The following PCDHGA5 variants were observed in gnomAD, a reference collection of about 807,000 sequenced individuals.
The protein encoded by PCDHGA5 is protocadherin gamma-A5.
In PCDHGA5, 36 loss-of-function variants were observed where a neutral mutation model predicts 56.7. The observed-to-expected ratio is 0.64, with a 90% CI of 0.49 to 0.84. The LOEUF (loss-of-function observed/expected upper bound fraction) is 0.84. Among genes scored for constraint, PCDHGA5 ranks in the 40% least tolerant of loss-of-function variants. The pLI, the probability that PCDHGA5 is intolerant of heterozygous loss-of-function variation, is 0.00. For synonymous variants in PCDHGA5, 563 were observed against 520.2 expected (o/e 1.08, Z -1.12); for missense variants, 1,305 against 1,201.5 (o/e 1.09, Z -1.27).
At chr5:141,426,678 T>C (rs2096951425) in intron 1 of PCDHGA5, 2 of 431,490 alleles carry the variant, frequency 4.6e-6, no homozygotes, top group Admixed American at 5.1e-5. Flanking sequence ...CCCACCTCAT[T>C]TTCCCCAAAA....
chr5:141,387,813 A>T, intron 1 of PCDHGA5: 6 of 1,531,348 alleles, frequency 3.9e-6, no homozygotes, highest in Non-Finnish European at 5.3e-6. Flanking sequence ...GAGATCCAAA[A>T]ATCTGCAATA....
Position 141,365,563 on chromosome 5 carries a change from C to A in PCDHGA5, c.1233C>A (p.Asp411Glu), listed in dbSNP as rs754759386. 51 of 1,613,580 alleles carry A rather than the reference C, an allele frequency of 3.2e-5. No individual in the cohort carries two copies. The highest frequency in any genetic ancestry group is 3.8e-5 in the Non-Finnish European group (45 of 1,179,890). ...ACCTATTAACAACTAGGGACCTGGACAGAGAAGAGACTTCAGATTATAATA... is the reference window on the plus strand; with the variant it reads ...ACCTATTAACAACTAGGGACCTGGAAAGAGAAGAGACTTCAGATTATAATA... ...YYHLLTTRDL[D>E]REETSDYNIT... The change falls in exon 1 of 4, where the codon GAC becomes GAA. Residue 411 changes from aspartate (D) to glutamate (E), a missense_variant. Coordinates refer to ENST00000518069, the MANE Select transcript of PCDHGA5 (RefSeq NM_018918.3).
chr5:141,467,769 G>A (rs573567102), intron 1 of PCDHGA5, among the ~76,000 whole-genome samples: 9 of 151,590 alleles, frequency 5.9e-5, no homozygotes, highest in East Asian at 3.9e-4. Flanking sequence ...TCAAGTGCCC[G>A]CACCTCAGCC....
At position 141,393,679 on chromosome 5, in the gene PCDHGA5, C is replaced by T. The variant is rs1188443485; in HGVS notation, c.2421+26928C>T. 4.3e-6 allele frequency: 7 copies of T among 1,613,894 alleles called. No individual in the cohort carries two copies. Among genetic ancestry groups the T allele is most frequent in the Non-Finnish European group, 5.9e-6 (7 of 1,179,900 alleles). ...TTCCGGAAAATTAATGAAAAACAAA[C>T]TCCGTTATTCCAGCTTAATGAAAAT... On this transcript the variant is annotated intron_variant, in intron 1 of 3. Transcript: ENST00000518069.
intron 1 of PCDHGA5, chr5:141,408,397 G>T: frequency 6.2e-7 from 1 of 1,614,068 alleles, no homozygotes; most frequent in Non-Finnish European, 8.5e-7. Context: ...CGGCTCGCAA[G>T]CTGCGAGTGA....
intron 2 of PCDHGA5, among the ~76,000 whole-genome samples, chr5:141,504,143 C>A (rs2099835975): frequency 6.6e-6 from 1 of 152,136 alleles, no homozygotes; most frequent in Non-Finnish European, 1.5e-5. Flanking sequence ...CACTCCCCTG[C>A]AAATTGAAAT....
rs1391017504 is a variant in PCDHGA5 at position 141,490,732 on chromosome 5, G to GTTCAGGGAGCCCCAGCCTCCTCCT, written c.2422-4072_2422-4049dup. 6.2e-7 allele frequency: 1 copy of GTTCAGGGAGCCCCAGCCTCCTCCT among 1,614,070 alleles called. No individual in the cohort carries two copies. Among genetic ancestry groups the GTTCAGGGAGCCCCAGCCTCCTCCT allele is most frequent in the Non-Finnish European group, 8.5e-7 (1 of 1,180,050 alleles). On this transcript the variant is annotated intron_variant, in intron 1 of 3. Coordinates refer to ENST00000518069, the MANE Select transcript of PCDHGA5 (RefSeq NM_018918.3). This position sits in a 1 kb window ranked among gnomAD's most constrained non-coding sequence, Gnocchi z 5.4. ...CACCTACTCCATTGTAGGAAATCAG[G>GTTCAGGGAGCCCCAGCCTCCTCCT]TTCAGGGAGCCCCAGCCTCCTCCTT...
intron 1 of PCDHGA5, chr5:141,421,725 C>T: frequency 6.2e-7 from 1 of 1,613,960 alleles, no homozygotes; most frequent in Non-Finnish European, 8.5e-7. Context: ...TGGGCGTGAA[C>T]TCCCTCCAGA....
intron 1 of PCDHGA5, chr5:141,374,073 A>G (rs1201568464): frequency 2.6e-6 from 4 of 1,510,034 alleles, no homozygotes; most frequent in Non-Finnish European, 2.7e-6. Context: ...GAAGTTCCTA[A>G]TAAGCCAGTA....
chr5:141,461,058 T>C (rs1450016344), intron 1 of PCDHGA5, among the ~76,000 whole-genome samples: 2 of 152,010 alleles, frequency 1.3e-5, no homozygotes, highest in Admixed American at 1.3e-4. Context: ...CTTAGGTTGG[T>C]TTCACATTTT....
chr5:141,430,015 T>G (rs2097256653), intron 1 of PCDHGA5, among the ~76,000 whole-genome samples: 1 of 152,236 alleles, frequency 6.6e-6, no homozygotes, highest in South Asian at 2.1e-4. Context: ...TTCACTTGGG[T>G]TCTTGTTAAG....
chr5:141,372,278 G>C (rs756938433), intron 1 of PCDHGA5: 2 of 1,613,032 alleles, frequency 1.2e-6, no homozygotes, highest in Admixed American at 1.7e-5. Flanking sequence ...AGGTGCGCAC[G>C]GCGCGTACCT....
At chr5:141,381,561 A>G (rs1251342749) in intron 1 of PCDHGA5, among the ~76,000 whole-genome samples, 3 of 152,196 alleles carry the variant, frequency 2.0e-5, no homozygotes, top group Non-Finnish European at 4.4e-5. Flanking sequence ...TGAATTGCAT[A>G]ATGAAAAGAA....
chr5:141,414,078 T>C lies in PCDHGA5; in HGVS notation c.2421+47327T>C, dbSNP rs777190406. 3.1e-6 allele frequency: 5 copies of C among 1,603,326 alleles called. No individual in the cohort carries two copies. In the South Asian group the frequency reaches 4.5e-5, roughly 14 times the overall value. ...TGTTGAAGTTCCAACTAAACAAATA[T>C]ACTGGAGAAATAAAAATATCAGAAA... On this transcript the variant is annotated intron_variant, in intron 1 of 3. Transcript: ENST00000518069.
chr5:141,366,136 C>T lies in PCDHGA5; in HGVS notation c.1806C>T (p.Ala602=). Residue 602 remains alanine (A), a synonymous_variant, in exon 1 of 4, where the codon GCC becomes GCT. Transcript: ENST00000518069. ...TGGACAAAGATTCAGGCCAGAACGCCTGGCTGTCCTACCGCCTGCTTAAGG... is the reference window on the plus strand; with the variant it reads ...TGGACAAAGATTCAGGCCAGAACGCTTGGCTGTCCTACCGCCTGCTTAAGG... ...VAVDKDSGQN[A]WLSYRLLKAS... is the part of the protein sequence containing the mutation. 1 of 1,614,204 alleles carries T rather than the reference C, an allele frequency of 6.2e-7. No homozygotes were observed. The highest frequency in any genetic ancestry group is 1.1e-5 in the South Asian group (1 of 91,092).
In PCDHGA5 at chr5:141,390,133, A is replaced by G. The variant is rs1394678030; in HGVS notation, c.2421+23382A>G. ...AGCGAGGGGACTTTGCCTTATTCCT[A>G]CAATCTATGTGTTGCACATACAGGA... On this transcript the variant is annotated intron_variant, in intron 1 of 3. Coordinates refer to ENST00000518069, the MANE Select transcript of PCDHGA5 (RefSeq NM_018918.3). The G allele has an allele frequency of 3.1e-6, 5 of 1,614,040 alleles. No individual in the cohort carries two copies. The South Asian group carries it at 5.5e-5, about 18-fold the overall frequency.
intron 1 of PCDHGA5, among the ~76,000 whole-genome samples, chr5:141,436,478 A>G (rs1360229764): frequency 2.0e-5 from 3 of 152,220 alleles, no homozygotes; most frequent in Non-Finnish European, 4.4e-5. Context: ...TGTATCATAG[A>G]AGGATAGCAG....
chr5:141,438,591 C>CATATATATATAT (rs946798767), intron 1 of PCDHGA5, among the ~76,000 whole-genome samples: 3 of 75,560 alleles, frequency 4.0e-5, no homozygotes, highest in Non-Finnish European at 5.4e-5. Flanking sequence ...TACATACATA[C>CATATATATATAT]ATATATATAT....
At chr5:141,500,045 T>C (rs2099796072) in intron 2 of PCDHGA5, among the ~76,000 whole-genome samples, 1 of 152,062 alleles carries the variant, frequency 6.6e-6, no homozygotes, top group South Asian at 2.1e-4. Flanking sequence ...CTTAAGTATC[T>C]TAATGCTCTT....
Sources: allele counts gnomAD v4.1 joint callset (sites outside exome capture counted in the v4.1 genomes callset), GRCh38; gene constraint gnomAD v4.1.1; non-coding constraint Gnocchi (gnomAD v3.1); transcripts MANE v1.5; gene names NCBI Gene and HGNC (gene_info 2026-07-23, HGNC 2026-07-21).